The following ABLIM1 variants were observed in gnomAD, a reference collection of about 807,000 sequenced individuals.
The protein encoded by ABLIM1 is actin binding LIM protein 1, also known as actin-binding LIM protein 1.
A neutral mutation model predicts 107.0 loss-of-function variants in ABLIM1; 40 were observed. The ratio of observed to expected loss-of-function variants is 0.37; its 90% CI spans 0.29 to 0.49. ABLIM1 has a LOEUF of 0.49. Ranked by LOEUF, ABLIM1 falls within the 20% of genes least tolerant of loss-of-function variation. The pLI is 0.97. For synonymous variants in ABLIM1, 357 were observed against 357.3 expected (o/e 1.00, Z 0.01); for missense variants, 857 against 1,008.5 (o/e 0.85, Z 2.04).
chr10:114,740,535 A>G (rs2082265805), intron 1 of ABLIM1, among the ~76,000 whole-genome samples: 2 of 152,132 alleles, frequency 1.3e-5, no homozygotes, highest in African/African-American at 4.8e-5. Context: ...AGGGGACTCA[A>G]AATGGAAAAT....
intron 6 of ABLIM1, among the ~76,000 whole-genome samples, chr10:114,515,382 A>G (rs980700116): frequency 9.2e-5 from 14 of 152,288 alleles, no homozygotes; most frequent in African/African-American, 3.1e-4. Context: ...CTGGGACTTC[A>G]GGATGTGAGC....
chr10:114,523,956 G>C (rs901179438), intron 6 of ABLIM1, among the ~76,000 whole-genome samples: 3 of 152,208 alleles, frequency 2.0e-5, no homozygotes, highest in African/African-American at 7.2e-5. Flanking sequence ...GTTACTTAGA[G>C]AGCACATGGT....
At chr10:114,590,106 A>G (rs1189928067) in intron 2 of ABLIM1, among the ~76,000 whole-genome samples, 1 of 152,192 alleles carries the variant, frequency 6.6e-6, no homozygotes, top group Non-Finnish European at 1.5e-5. Context: ...TTGCCTACAA[A>G]ATTCTGTCCA....
chr10:114,602,722 T>C (rs1025031511), intron 1 of ABLIM1, among the ~76,000 whole-genome samples: 9 of 152,252 alleles, frequency 5.9e-5, no homozygotes, highest in African/African-American at 1.9e-4. Flanking sequence ...AGGGAATTTA[T>C]AGGGTCTTTT....
chr10:114,485,121 T>C (rs2475225), intron 8 of ABLIM1, among the ~76,000 whole-genome samples: 24,570 of 152,230 alleles, frequency 0.16, 2,710 homozygotes, highest in East Asian at 0.57. Flanking sequence ...AATGAAAACA[T>C]CCATCCAAGA....
chr10:114,439,788 G>A (rs1260741658), intron 20 of ABLIM1: 2 of 489,432 alleles, frequency 4.1e-6, no homozygotes, highest in East Asian at 3.4e-5. Flanking sequence ...AACTGTATAT[G>A]AGCAGACCCT....
At chr10:114,516,399 C>T (rs537330339) in intron 6 of ABLIM1, among the ~76,000 whole-genome samples, 7 of 152,204 alleles carry the variant, frequency 4.6e-5, no homozygotes, top group African/African-American at 1.7e-4. Flanking sequence ...TAGTGTGTGG[C>T]TGTAATCACA....
At chr10:114,697,599 CA>C (rs2081223715) in intron 1 of ABLIM1, among the ~76,000 whole-genome samples, 3 of 152,216 alleles carry the variant, frequency 2.0e-5, no homozygotes, top group Non-Finnish European at 4.4e-5. Context: ...CTTCTAAAAA[CA>C]AATTAGGTAT....
At chr10:114,748,263 T>A (rs1298613122) in intron 1 of ABLIM1, among the ~76,000 whole-genome samples, 2 of 152,118 alleles carry the variant, frequency 1.3e-5, no homozygotes, top group African/African-American at 4.8e-5. Flanking sequence ...TCTCTAATAT[T>A]TTTGAGTTCT....
At chr10:114,511,392 G>A (rs1248933628) in intron 6 of ABLIM1, among the ~76,000 whole-genome samples, 2 of 151,690 alleles carry the variant, frequency 1.3e-5, no homozygotes, top group Non-Finnish European at 2.9e-5. Flanking sequence ...TTGAGACAGA[G>A]TCTTGCTCTG....
At chr10:114,762,761 T>TATGACATAG (rs199822470) in intron 1 of ABLIM1, among the ~76,000 whole-genome samples, 1,767 of 152,290 alleles carry the variant, frequency 0.012, 40 homozygotes, top group African/African-American at 0.04. Context: ...TAGGGTCATT[T>TATGACATAG]ATGACATAGA....
In ABLIM1 at chr10:114,658,232, G is replaced by A. The variant is rs756339763; in HGVS notation, c.-32C>T. The A allele has an allele frequency of 1.3e-6, 2 of 1,584,126 alleles. No homozygotes were observed. The highest frequency in any genetic ancestry group is 3.4e-5 in the Admixed American group (2 of 58,602). On this transcript the variant is annotated 5_prime_UTR_variant, in exon 1 of 23. Transcript: ENST00000533213. ...ATGGATTTCCAAGCAATGAGAAATGGGGAGTGGGGACCCAAGGAGCGGTGC... is the reference window on the plus strand; with the variant it reads ...ATGGATTTCCAAGCAATGAGAAATGAGGAGTGGGGACCCAAGGAGCGGTGC...
At chr10:114,607,158 G>T (rs1350974867) in intron 1 of ABLIM1, among the ~76,000 whole-genome samples, 1 of 152,202 alleles carries the variant, frequency 6.6e-6, no homozygotes, top group Non-Finnish European at 1.5e-5. Context: ...TGCCTCCTGG[G>T]TTCAAGAGAT....
chr10:114,440,450 CTT>C (rs76464426), intron 19 of ABLIM1, among the ~76,000 whole-genome samples: 5 of 146,418 alleles, frequency 3.4e-5, no homozygotes, highest in South Asian at 2.2e-4. Flanking sequence ...CCTCCAGTTA[CTT>C]TTTTTTTTTT....
chr10:114,651,054 C>A (rs367813191), intron 1 of ABLIM1, among the ~76,000 whole-genome samples: 2 of 152,196 alleles, frequency 1.3e-5, no homozygotes, highest in African/African-American at 2.4e-5. Flanking sequence ...AACTTGGCAG[C>A]GAGGTCTGAC....
chr10:114,526,941 T>C (rs2064872857), intron 6 of ABLIM1: 2 of 985,346 alleles, frequency 2.0e-6, no homozygotes, highest in Non-Finnish European at 2.4e-6. Context: ...TACTTACTAG[T>C]TCAACACACC....
intron 15 of ABLIM1, 48 bp from the exon 16 acceptor site, chr10:114,445,451 G>T: frequency 6.8e-7 from 1 of 1,474,192 alleles, no homozygotes; most frequent in South Asian, 1.1e-5. Context: ...CAAGACAAGG[G>T]AATCTTAACG....
intron 6 of ABLIM1, among the ~76,000 whole-genome samples, chr10:114,522,940 C>G (rs2063982283): frequency 6.6e-6 from 1 of 152,174 alleles, no homozygotes; most frequent in South Asian, 2.1e-4. Flanking sequence ...CACTTGAGGT[C>G]AGGAGTTGAA....
intron 6 of ABLIM1, among the ~76,000 whole-genome samples, chr10:114,544,482 G>A (rs973071322): frequency 1.3e-5 from 2 of 152,196 alleles, no homozygotes; most frequent in Non-Finnish European, 2.9e-5. Flanking sequence ...GAACTTGACA[G>A]GCTTCAGCTC....
Sources: gnomAD v4.1 joint callset for allele counts (sites outside exome capture counted in the v4.1 genomes callset) on GRCh38, gnomAD v4.1.1 for gene constraint, MANE v1.5 for transcripts, NCBI Gene and HGNC (gene_info 2026-07-23, HGNC 2026-07-21) for gene names.